SLC2A13: variants seen among roughly 807,000 people sequenced by gnomAD.
SLC2A13 encodes the protein proton myo-inositol cotransporter.
A neutral mutation model predicts 64.4 loss-of-function variants in SLC2A13; 32 were observed. That is an observed-to-expected ratio of 0.50 (90% CI 0.37 to 0.67). SLC2A13 has a LOEUF of 0.67. Ranked by LOEUF, SLC2A13 falls within the 30% of genes least tolerant of loss-of-function variation. SLC2A13 has a pLI of 0.00. For missense variants in SLC2A13, 743 were observed against 829.2 expected (o/e 0.90, Z 1.28); for synonymous variants, 338 against 327.1 (o/e 1.03, Z -0.36).
chr12:39,960,319 C>G (rs1428936799), intron 3 of SLC2A13, among the ~76,000 whole-genome samples: 1 of 152,194 alleles, frequency 6.6e-6, no homozygotes, highest in African/African-American at 2.4e-5. Flanking sequence ...TCTGCACATT[C>G]TCTTGAGTTT....
At chr12:40,082,546 C>G (rs1938444475) in intron 1 of SLC2A13, among the ~76,000 whole-genome samples, 1 of 152,184 alleles carries the variant, frequency 6.6e-6, no homozygotes, top group African/African-American at 2.4e-5. Flanking sequence ...CTGGGATAGG[C>G]CAGCAAATAG....
At chr12:39,859,202 T>C (rs1943688184) in intron 6 of SLC2A13, among the ~76,000 whole-genome samples, 2 of 151,266 alleles carry the variant, frequency 1.3e-5, no homozygotes, top group African/African-American at 2.4e-5. Flanking sequence ...ACTATCACTA[T>C]ACAGAAAAAG....
At chr12:39,934,606 A>C (rs952999335) in intron 4 of SLC2A13, among the ~76,000 whole-genome samples, 1 of 152,248 alleles carries the variant, frequency 6.6e-6, no homozygotes, top group African/African-American at 2.4e-5. Flanking sequence ...CTTTTGGATA[A>C]GCAGCTGAGG....
intron 3 of SLC2A13, among the ~76,000 whole-genome samples, chr12:39,969,473 CTTT>C (rs1429087550): frequency 2.0e-5 from 3 of 152,194 alleles, no homozygotes; most frequent in African/African-American, 7.2e-5. Flanking sequence ...TGTTTCCTGA[CTTT>C]TTAATGATTG....
At chr12:40,047,149 A>T (rs1948183683) in intron 2 of SLC2A13, among the ~76,000 whole-genome samples, 1 of 151,948 alleles carries the variant, frequency 6.6e-6, no homozygotes, top group Non-Finnish European at 1.5e-5. Context: ...TGATCCGCCC[A>T]CCTTGGCCTC....
chr12:39,887,351 CCTTAAGGGGGATAAGG>C (rs1205819491), intron 4 of SLC2A13, among the ~76,000 whole-genome samples: 1 of 152,118 alleles, frequency 6.6e-6, no homozygotes, highest in Non-Finnish European at 1.5e-5. Flanking sequence ...GTACCCTGCC[CCTTAAGGGGGATAAGG>C]AGCACAGCCA....
chr12:39,801,277 T>A (rs1941781680), intron 7 of SLC2A13, among the ~76,000 whole-genome samples: 1 of 146,832 alleles, frequency 6.8e-6, no homozygotes, highest in Non-Finnish European at 1.5e-5. Context: ...AAAACAAAGT[T>A]TTTATATTTT....
chr12:39,820,108 A>G (rs1045846387), intron 7 of SLC2A13, among the ~76,000 whole-genome samples: 1 of 152,138 alleles, frequency 6.6e-6, no homozygotes, highest in Non-Finnish European at 1.5e-5. Flanking sequence ...TAACTCATTT[A>G]CCAAATAAAT....
chr12:39,882,718 A>G (rs886142378), intron 4 of SLC2A13, among the ~76,000 whole-genome samples: 1 of 152,134 alleles, frequency 6.6e-6, no homozygotes, highest in East Asian at 1.9e-4. Context: ...ACCAGTCTAC[A>G]TTGATTCACA....
intron 7 of SLC2A13, among the ~76,000 whole-genome samples, chr12:39,793,298 AT>A (rs1429018574): frequency 1.3e-5 from 2 of 152,192 alleles, no homozygotes; most frequent in African/African-American, 4.8e-5. Flanking sequence ...AAAATTGTAC[AT>A]TAAAAACTAC....
At chr12:39,916,721 CT>C (rs1945526610) in intron 4 of SLC2A13, among the ~76,000 whole-genome samples, 1 of 152,104 alleles carries the variant, frequency 6.6e-6, no homozygotes, top group South Asian at 2.1e-4. Context: ...AATAACCTGA[CT>C]TCTACAAAAT....
intron 4 of SLC2A13, among the ~76,000 whole-genome samples, chr12:39,885,352 C>G (rs1944442099): frequency 6.6e-6 from 1 of 152,116 alleles, no homozygotes; most frequent in African/African-American, 2.4e-5. Context: ...CAGAAAACAA[C>G]ACTGCAAACA....
At chr12:39,945,942 T>C (rs1007324741) in intron 4 of SLC2A13, among the ~76,000 whole-genome samples, 4 of 152,048 alleles carry the variant, frequency 2.6e-5, no homozygotes, top group Non-Finnish European at 5.9e-5. Context: ...TGTTTTGTCA[T>C]ATAGCCATGG....
At chr12:40,095,932 CTGTT>C (rs541004146) in intron 1 of SLC2A13, among the ~76,000 whole-genome samples, 25 of 152,054 alleles carry the variant, frequency 1.6e-4, no homozygotes, top group South Asian at 8.3e-4. Context: ...TGGGGTTTTT[CTGTT>C]TGTTTGTTTT....
In SLC2A13 at chr12:39,824,347, C is replaced by A. The variant is rs951672219; in HGVS notation, c.1445+5756G>T. 2.0e-5 allele frequency among the ~76,000 whole-genome samples: 3 copies of A among 152,134 alleles called. No individual in the cohort carries two copies. In the South Asian group the frequency reaches 6.2e-4, roughly 32 times the overall value. ...GAACATCAGCAGTTTATTCTAGCAG[C>A]GCTCTTACAAGTTGGATAATGGGAG... On this transcript the variant is annotated intron_variant, in intron 7 of 9. Coordinates refer to ENST00000280871, the MANE Select transcript of SLC2A13 (RefSeq NM_052885.4).
intron 1 of SLC2A13, among the ~76,000 whole-genome samples, chr12:40,070,059 T>A (rs1937893174): frequency 1.3e-5 from 2 of 151,678 alleles, no homozygotes; most frequent in Admixed American, 6.6e-5. Context: ...CAGAAAGGCA[T>A]AAACGGAATA....
chr12:40,060,008 A>T (rs567097669), intron 1 of SLC2A13, among the ~76,000 whole-genome samples: 1 of 152,132 alleles, frequency 6.6e-6, no homozygotes, highest in Non-Finnish European at 1.5e-5. Context: ...ATATTATTTT[A>T]AAAAGACTGT....
intron 3 of SLC2A13, among the ~76,000 whole-genome samples, chr12:39,956,290 G>T (rs1274984104): frequency 6.6e-6 from 1 of 152,152 alleles, no homozygotes; most frequent in Non-Finnish European, 1.5e-5. Context: ...GCAGATCAAT[G>T]GTTGCCTGTG....
In SLC2A13 at chr12:39,971,983, G is replaced by GA. The variant is rs1174701447; in HGVS notation, c.926-20619dup. Among the ~76,000 whole-genome samples, 874 of 95,670 alleles carry GA rather than the reference G, an allele frequency of 9.1e-3. 31 individuals are homozygous for GA. The highest frequency in any genetic ancestry group is 0.016 in the African/African-American group (394 of 24,326). The allele number at this position is 95,670 out of a possible 152,430, so 62.8% of individuals were successfully genotyped here. ...AGGGGATGGAGCAAGAGTGTCTCCA[G>GA]AAAAAAAAAAAAAAATATATATATA... On this transcript the variant is annotated intron_variant, in intron 3 of 9. Coordinates refer to ENST00000280871, the MANE Select transcript of SLC2A13 (RefSeq NM_052885.4).
Sources: allele counts gnomAD v4.1 joint callset (sites outside exome capture counted in the v4.1 genomes callset), GRCh38; gene constraint gnomAD v4.1.1; transcripts MANE v1.5; gene names NCBI Gene and HGNC (gene_info 2026-07-23, HGNC 2026-07-21).